ADPRS: variants seen among roughly 807,000 people sequenced by gnomAD.
ADPRS encodes ADP-ribosylhydrolase ARH3.
A neutral mutation model predicts 32.1 loss-of-function variants in ADPRS; 25 were observed. That is an observed-to-expected ratio of 0.78 (90% CI 0.57 to 1.09). ADPRS has a LOEUF of 1.09. Among genes scored for constraint, ADPRS ranks in the 50% least tolerant of loss-of-function variants. The probability of loss-of-function intolerance (pLI) is 0.00; values close to 1 mark genes in which losing one functional copy is unlikely to be tolerated. For missense variants in ADPRS, 482 were observed against 480.6 expected (o/e 1.00, Z -0.03); for synonymous variants, 225 against 201.0 (o/e 1.12, Z -1.01).
intron 1 of ADPRS, among the ~76,000 whole-genome samples, 162 bp from the exon 2 acceptor site, chr1:36,091,082 T>A (rs1643473840): frequency 6.6e-6 from 1 of 152,064 alleles, no homozygotes; most frequent in African/African-American, 2.4e-5. Flanking sequence ...GGCAGAAGGA[T>A]AGCTTGAGCC....
chr1:36,092,910 G>A (rs927711977), intron 5 of ADPRS, among the ~76,000 whole-genome samples, 187 bp from the exon 6 acceptor site: 6 of 152,302 alleles, frequency 3.9e-5, no homozygotes, highest in Non-Finnish European at 7.4e-5. Flanking sequence ...GAAGCTTAGC[G>A]GTCCCCTAGG....
intron 5 of ADPRS, 23 bp downstream of exon 5, chr1:36,092,545 GTC>G (rs1557734035): frequency 1.9e-6 from 3 of 1,609,784 alleles, no homozygotes; most frequent in Admixed American, 1.7e-5. Context: ...GCCTGGGATT[GTC>G]TCTCCCTCTG....
Position 36,093,557 on chromosome 1 carries a change from G to A in ADPRS, c.*171G>A. On this transcript the variant is annotated 3_prime_UTR_variant, in exon 6 of 6. Coordinates refer to ENST00000373178, the MANE Select transcript of ADPRS (RefSeq NM_017825.3). ...GCAGGGGAGGTCACTGGAACAGCGA[G>A]CAAGGGACTGGTGCCTCGCTGGTGC... 3 of 835,268 alleles carry A rather than the reference G, an allele frequency of 3.6e-6. No homozygotes were observed. Among genetic ancestry groups the A allele is most frequent in the Non-Finnish European group, 5.4e-6 (3 of 551,344 alleles). The allele number at this position is 835,268 out of a possible 1,614,324, so 51.7% of individuals were successfully genotyped here. A position where few individuals can be genotyped will look rare whatever the true frequency, so the allele number is the denominator to read the frequency against.
In ADPRS at chr1:36,093,605, G is replaced by C; in HGVS notation, c.*219G>C. ...TGCTGGGTCTCTGGTTTGCTGCAGAGCCGTAGGACACTCCTGGCTCCTCAG... is the reference window on the plus strand; with the variant it reads ...TGCTGGGTCTCTGGTTTGCTGCAGACCCGTAGGACACTCCTGGCTCCTCAG... On this transcript the variant is annotated 3_prime_UTR_variant, in exon 6 of 6. Coordinates refer to ENST00000373178, the MANE Select transcript of ADPRS (RefSeq NM_017825.3). 1 of 605,028 alleles carries C rather than the reference G, an allele frequency of 1.7e-6. No individual in the cohort carries two copies. 37.5% of individuals were successfully genotyped at this position (605,028 alleles called of 1,614,324 possible). A position where few individuals can be genotyped will look rare whatever the true frequency, so the allele number is the denominator to read the frequency against.
At chr1:36,089,194 CG>C (rs1322606942) in intron 1 of ADPRS, 79 bp downstream of exon 1, 25 of 1,344,012 alleles carry the variant, frequency 1.9e-5, no homozygotes, top group African/African-American at 1.5e-5. Context: ...GGCGACGGGT[CG>C]GGGGTGCGCG....
chr1:36,091,597 G>C (rs1410921382), intron 2 of ADPRS, 21 bp from the exon 3 acceptor site: 1 of 1,556,740 alleles, frequency 6.4e-7, no homozygotes, highest in East Asian at 2.3e-5. Flanking sequence ...TCTGAATTCT[G>C]TCTCCCCTTC....
In ADPRS at chr1:36,091,779, TG is replaced by T; in HGVS notation, c.472del (p.Ala158LeufsTer23). 1 of 1,612,086 alleles carries T rather than the reference TG, an allele frequency of 6.2e-7. No homozygotes were observed. The highest frequency in any genetic ancestry group is 8.5e-7 in the Non-Finnish European group (1 of 1,178,702). On this transcript the variant is annotated frameshift_variant, in exon 3 of 6. Coordinates refer to ENST00000373178, the MANE Select transcript of ADPRS (RefSeq NM_017825.3). LOFTEE classifies it high-confidence loss of function. ...GSYGNGGAMR[V>X]AGISLAYSSV... ...TATGGCAATGGAGGTGCCATGCGGG[TG>T]GCTGGCATCTCCCTGGCCTATAGCA...
At position 36,089,113 on chromosome 1, in the gene ADPRS, C is replaced by G. The variant is rs1400595218; in HGVS notation, c.209C>G (p.Thr70Arg). 1.4e-6 allele frequency: 2 copies of G among 1,415,566 alleles called. No individual in the cohort carries two copies. Among genetic ancestry groups the G allele is most frequent in the Non-Finnish European group, 9.2e-7 (1 of 1,086,152 alleles). 87.7% of individuals were successfully genotyped at this position (1,415,566 alleles called of 1,614,324 possible). A position where few individuals can be genotyped will look rare whatever the true frequency, so the allele number is the denominator to read the frequency against. ...PDPGTPGSER[T>R]EALYYTDDTA... ...CCCGGCACGCCCGGGAGTGAGCGGA[C>G]AGGTGGGCGGGGCCGGGCGCAAGTC... is the stretch of plus-strand genomic sequence containing the variant. The change falls in exon 1 of 6, where the codon ACA (threonine) becomes AGA (arginine). Residue 70 changes from threonine to arginine, a missense_variant and splice_region_variant. Thr to Arg is a moderately conservative substitution (Grantham distance 71). Coordinates refer to ENST00000373178, the MANE Select transcript of ADPRS (RefSeq NM_017825.3).
chr1:36,091,123 T>C, intron 1 of ADPRS, 121 bp from the exon 2 acceptor site: 1 of 714,206 alleles, frequency 1.4e-6, no homozygotes, highest in Non-Finnish European at 2.4e-6. Flanking sequence ...GAGCCATGAT[T>C]GCACCAGTGC....
At position 36,088,920 on chromosome 1, in the gene ADPRS, A is replaced by G. The variant is rs528174975; in HGVS notation, c.16A>G (p.Met6Val). Residue 6 changes from methionine to valine, a missense_variant, in exon 1 of 6, where the codon ATG becomes GTG. Met to Val is a conservative substitution (Grantham distance 21, BLOSUM62 1). Coordinates refer to ENST00000373178, the MANE Select transcript of ADPRS (RefSeq NM_017825.3). The stretch of plus-strand genomic sequence containing the variant: ...CTGCGCGCGGATGGCCGCAGCGGCG[A>G]TGGCGGCAGCGGCAGGTGGAGGGGC... Reference protein sequence around the residue: MAAAAMAAAAGGGAGA... With the variant: MAAAAVAAAAGGGAGA... 4.6e-6 allele frequency: 7 copies of G among 1,526,152 alleles called. No individual in the cohort carries two copies. Among genetic ancestry groups the G allele is most frequent in the Admixed American group, 4.0e-5 (2 of 50,010 alleles). The allele number at this position is 1,526,152 out of a possible 1,614,324, so 94.5% of individuals were successfully genotyped here. A position where few individuals can be genotyped will look rare whatever the true frequency, so the allele number is the denominator to read the frequency against.
chr1:36,091,393 C>T, intron 2 of ADPRS, 53 bp downstream of exon 2: 1 of 1,530,992 alleles, frequency 6.5e-7, no homozygotes, highest in Non-Finnish European at 9.0e-7. Flanking sequence ...GTTATTGCAC[C>T]CCTTGACCAG....
rs1407241164 is a variant in ADPRS at position 36,093,135 on chromosome 1, A to G, written c.841A>G (p.Ile281Val). 2.5e-6 allele frequency: 4 copies of G among 1,614,198 alleles called. No individual in the cohort carries two copies. Among genetic ancestry groups the G allele is most frequent in the Admixed American group, 1.7e-5 (1 of 60,032 alleles). The change falls in exon 6 of 6, where the codon ATC (isoleucine) becomes GTC (valine). Residue 281 changes from isoleucine (I) to valine (V), a missense_variant. By Grantham distance (29) the Ile-to-Val change is conservative. Coordinates refer to ENST00000373178, the MANE Select transcript of ADPRS (RefSeq NM_017825.3). ...IAAFESVPTA[I>V]YCFLRCMEPD... The stretch of plus-strand genomic sequence containing the variant: ...TGCCTTTGAGTCGGTACCCACCGCC[A>G]TCTACTGCTTCCTACGCTGCATGGA...
rs755555967 is a variant in ADPRS, at chr1:36,093,403, T to TG, written c.*21dup. 5.0e-6 allele frequency: 8 copies of TG among 1,602,020 alleles called. No homozygotes were observed. In the African/African-American group the frequency reaches 8.0e-5, roughly 16 times the overall value. ...AAGAGTTGATGAGGGCTACAGCTGT[T>TG]GGGGCTCTGCCAGGTCCCCTGGGAC... On this transcript the variant is annotated 3_prime_UTR_variant, in exon 6 of 6. Coordinates refer to ENST00000373178, the MANE Select transcript of ADPRS (RefSeq NM_017825.3).
chr1:36,091,888 C>T (rs766807012), intron 3 of ADPRS, 22 bp from the exon 4 acceptor site: 3 of 1,591,914 alleles, frequency 1.9e-6, no homozygotes, highest in Admixed American at 3.4e-5. Context: ...GCTTCTGTGA[C>T]AGCAGGTCTC....
In ADPRS at chr1:36,091,665, G is replaced by T. The variant is rs1425533993; in HGVS notation, c.356G>T (p.Gly119Val). 1 of 1,613,610 alleles carries T rather than the reference G, an allele frequency of 6.2e-7. No homozygotes were observed. The highest frequency in any genetic ancestry group is 1.1e-5 in the South Asian group (1 of 90,968). Residue 119 changes from glycine (G) to valine (V), a missense_variant, in exon 3 of 6, where the codon GGA becomes GTA. Gly to Val is a moderately radical substitution (Grantham distance 109, BLOSUM62 -3). Coordinates refer to ENST00000373178, the MANE Select transcript of ADPRS (RefSeq NM_017825.3). ...KKDPDRGYGA[G>V]VVTVFKKLLN... Reference sequence around the variant, plus strand: ...GACCCTGACAGGGGCTATGGTGCTGGAGTAGTCACTGTCTTCAAGAAGCTC... The same window carrying T: ...GACCCTGACAGGGGCTATGGTGCTGTAGTAGTCACTGTCTTCAAGAAGCTC...
At chr1:36,091,109 C>T (rs1643474039) in intron 1 of ADPRS, 135 bp from the exon 2 acceptor site, 1 of 655,384 alleles carries the variant, frequency 1.5e-6, no homozygotes, top group Non-Finnish European at 2.7e-6. Context: ...TTCAAGACTG[C>T]AGTGAGCCAT....
chr1:36,091,625 C>G lies in ADPRS; in HGVS notation c.316C>G (p.Gln106Glu), dbSNP rs368433666. The change falls in exon 3 of 6, where the codon CAG (glutamine) becomes GAG (glutamate). Residue 106 changes from glutamine to glutamate, a missense_variant. By Grantham distance (29) the Gln-to-Glu change is conservative (BLOSUM62 2). Transcript: ENST00000373178. ...TCCCCTTCTGTTCCCTAGATTTGCT[C>G]AGGAGTACAAGAAAGACCCTGACAG... ...DEVDMAHRFA[Q>E]EYKKDPDRGY... The G allele has an allele frequency of 2.7e-5, 43 of 1,596,460 alleles. No homozygotes were observed. The highest frequency in any genetic ancestry group is 3.5e-5 in the Non-Finnish European group (41 of 1,170,104).
chr1:36,092,535 G>T lies in ADPRS; in HGVS notation c.802+13G>T. ...GTGTCTGAGCTAGGTGAGTGGGTCT[G>T]CCTGGGATTGTCTCTCCCTCTGTCG... On this transcript the variant is annotated intron_variant, in intron 5 of 5. Transcript: ENST00000373178. The T allele has an allele frequency of 6.2e-7, 1 of 1,612,534 alleles. No homozygotes were observed. The highest frequency in any genetic ancestry group is 8.5e-7 in the Non-Finnish European group (1 of 1,178,558).
chr1:36,089,734 C>T (rs529124504), intron 1 of ADPRS, among the ~76,000 whole-genome samples: 51 of 152,220 alleles, frequency 3.4e-4, no homozygotes, highest in African/African-American at 1.2e-3. Context: ...GTGGTCCGGC[C>T]CTCCCACACG....
Sources: gnomAD v4.1 joint callset for allele counts (sites outside exome capture counted in the v4.1 genomes callset) on GRCh38, gnomAD v4.1.1 for gene constraint, MANE v1.5 for transcripts, NCBI Gene and HGNC (gene_info 2026-07-23, HGNC 2026-07-21) for gene names.